TRPS1: variants seen among roughly 807,000 people sequenced by gnomAD.
The protein encoded by TRPS1 is transcriptional repressor GATA binding 1, also known as zinc finger transcription factor Trps1.
TRPS1 carries 6 observed loss-of-function variants against 101.2 expected under a neutral mutation model. The ratio of observed to expected loss-of-function variants is 0.06; its 90% CI spans 0.03 to 0.12. The LOEUF (loss-of-function observed/expected upper bound fraction) is 0.12, where lower values mean the gene tolerates loss of function less well. Ranked by LOEUF, TRPS1 falls within the 10% of genes least tolerant of loss-of-function variation. The pLI is 1.00. For missense variants in TRPS1, 1,363 were observed against 1,567.0 expected (o/e 0.87, Z 2.20); for synonymous variants, 578 against 589.8 (o/e 0.98, Z 0.29).
At chr8:115,417,975 T>C (rs375412549) in intron 6 of TRPS1, among the ~76,000 whole-genome samples, 25 of 152,342 alleles carry the variant, frequency 1.6e-4, no homozygotes, top group African/African-American at 5.5e-4. Flanking sequence ...TTTCATTTTT[T>C]AAAACGTTTT....
At chr8:115,534,075 G>A (rs949007038) in intron 5 of TRPS1, among the ~76,000 whole-genome samples, 1 of 148,172 alleles carries the variant, frequency 6.7e-6, no homozygotes, top group African/African-American at 2.5e-5. Flanking sequence ...ATCTAACCCC[G>A]ATACCATCAC....
intron 5 of TRPS1, among the ~76,000 whole-genome samples, chr8:115,427,089 A>G (rs1410439488): frequency 6.6e-6 from 1 of 151,968 alleles, no homozygotes; most frequent in Non-Finnish European, 1.5e-5. Context: ...CAAGGCAAAC[A>G]CAGCAAGAAC....
intron 5 of TRPS1, among the ~76,000 whole-genome samples, chr8:115,488,957 C>A (rs1376496363): frequency 1.3e-5 from 2 of 152,118 alleles, no homozygotes; most frequent in Non-Finnish European, 2.9e-5. Context: ...TAGCAGGCTG[C>A]AGTTACTTCT....
rs551892671 is a variant in TRPS1, at chr8:115,638,628, T to G, written c.-121-14870A>C. Among the ~76,000 whole-genome samples, 11 of 152,224 alleles carry G rather than the reference T, an allele frequency of 7.2e-5. No individual in the cohort carries two copies. The South Asian group carries it at 2.3e-3, about 32-fold the overall frequency. On this transcript the variant is annotated intron_variant, in intron 1 of 6. Coordinates refer to ENST00000395715, the MANE Select transcript of TRPS1 (RefSeq NM_014112.5). ...GTTGGACAGGATACAGACAGAAATA[T>G]ACACACTTACACACAGAGTTTTACA... is the stretch of plus-strand genomic sequence containing the variant.
intron 5 of TRPS1, among the ~76,000 whole-genome samples, chr8:115,447,424 A>G (rs1477239643): frequency 1.3e-5 from 2 of 152,212 alleles, no homozygotes; most frequent in Admixed American, 6.5e-5. Flanking sequence ...ACAAAAATAA[A>G]AATTATCTCC....
chr8:115,613,094 C>T lies in TRPS1; in HGVS notation c.966+6038G>A, dbSNP rs145386350. 4.2e-4 allele frequency among the ~76,000 whole-genome samples: 64 copies of T among 152,230 alleles called. No individual in the cohort carries two copies. The East Asian group carries it at 0.011, about 27-fold the overall frequency. ...AATAATAAATTCCTAAAACAAAGTC[C>T]TCTAAATGAGGGGAGTACAAAAAAA... On this transcript the variant is annotated intron_variant, in intron 3 of 6. Transcript: ENST00000395715.
chr8:115,451,948 C>T (rs753341169), intron 5 of TRPS1, among the ~76,000 whole-genome samples: 38 of 152,136 alleles, frequency 2.5e-4, no homozygotes, highest in Non-Finnish European at 5.4e-4. Context: ...TTCCCCACTC[C>T]GACTCCTACT....
At chr8:115,434,380 T>C (rs1813398478) in intron 5 of TRPS1, among the ~76,000 whole-genome samples, 1 of 152,200 alleles carries the variant, frequency 6.6e-6, no homozygotes. Flanking sequence ...TTTATTGTGC[T>C]ATGCAATATG....
chr8:115,431,504 A>C (rs1236899158), intron 5 of TRPS1, among the ~76,000 whole-genome samples: 1 of 151,948 alleles, frequency 6.6e-6, no homozygotes, highest in African/African-American at 2.4e-5. Context: ...TCTCCTTTTG[A>C]CTGCATTCTA....
intron 4 of TRPS1, among the ~76,000 whole-genome samples, chr8:115,592,838 G>C (rs1406575601): frequency 6.6e-6 from 1 of 152,030 alleles, no homozygotes; most frequent in African/African-American, 2.4e-5. Flanking sequence ...ATAATACTTT[G>C]TATTTCTTAC....
At chr8:115,557,731 C>T (rs1816856133) in intron 5 of TRPS1, among the ~76,000 whole-genome samples, 1 of 152,146 alleles carries the variant, frequency 6.6e-6, no homozygotes, top group African/African-American at 2.4e-5. Flanking sequence ...GATATTTCTT[C>T]ATTGCAAAGT....
Position 115,418,579 on chromosome 8 carries a change from T to G in TRPS1, c.2701-127A>C, listed in dbSNP as rs768239768. The G allele has an allele frequency of 8.8e-5, 113 of 1,282,196 alleles. No individual in the cohort carries two copies. Among genetic ancestry groups the G allele is most frequent in the Non-Finnish European group, 1.2e-4 (109 of 891,808 alleles). The allele number at this position is 1,282,196 out of a possible 1,614,324, so 79.4% of individuals were successfully genotyped here. On this transcript the variant is annotated intron_variant, in intron 5 of 6. Coordinates refer to ENST00000395715, the MANE Select transcript of TRPS1 (RefSeq NM_014112.5). The surrounding 1 kb of genome is among the most constrained non-coding windows in gnomAD (Gnocchi z 4.3). ...CAGTATAAAACCACACTGCCCATAA[T>G]GAGGTCAGGTTCAATTGTGTTTAAT... is the stretch of plus-strand genomic sequence containing the variant.
At chr8:115,515,047 ATATACTGTG>A in intron 5 of TRPS1, 1 of 563,020 alleles carries the variant, frequency 1.8e-6, no homozygotes, top group Non-Finnish European at 3.2e-6. Flanking sequence ...TTAAGATGGC[ATATACTGTG>A]TAAGAAAAAT....
At chr8:115,584,773 G>A (rs936390744) in intron 5 of TRPS1, among the ~76,000 whole-genome samples, 1 of 151,740 alleles carries the variant, frequency 6.6e-6, no homozygotes, top group East Asian at 1.9e-4. Context: ...ATTCTGTTAG[G>A]TGTCTTAAAA....
At chr8:115,481,862 G>C (rs1563762381) in intron 5 of TRPS1, among the ~76,000 whole-genome samples, 1 of 152,152 alleles carries the variant, frequency 6.6e-6, no homozygotes, top group Non-Finnish European at 1.5e-5. Flanking sequence ...TACCCTGTGA[G>C]ATAAGGTAAT....
intron 6 of TRPS1, among the ~76,000 whole-genome samples, chr8:115,416,682 G>A (rs1008690535): frequency 6.6e-6 from 1 of 151,598 alleles, no homozygotes; most frequent in Admixed American, 6.6e-5. Flanking sequence ...TCTTAAATAA[G>A]TACAACTATA....
chr8:115,470,288 C>T (rs994308647), intron 5 of TRPS1, among the ~76,000 whole-genome samples: 7 of 152,080 alleles, frequency 4.6e-5, no homozygotes, highest in Non-Finnish European at 8.8e-5. Context: ...ATGCAATGCA[C>T]AATCAAAATA....
chr8:115,520,886 T>C (rs565026516), intron 5 of TRPS1, among the ~76,000 whole-genome samples: 14 of 152,004 alleles, frequency 9.2e-5, no homozygotes, highest in African/African-American at 3.4e-4. Flanking sequence ...ATTTTCCTTA[T>C]TAATGAGTTA....
intron 5 of TRPS1, among the ~76,000 whole-genome samples, chr8:115,502,370 C>T (rs925548581): frequency 1.5e-4 from 23 of 152,130 alleles, no homozygotes; most frequent in African/African-American, 5.1e-4. Flanking sequence ...CACTAGAATA[C>T]TGAAAGGCTT....
Sources: gnomAD v4.1 joint callset for allele counts (sites outside exome capture counted in the v4.1 genomes callset) on GRCh38, gnomAD v4.1.1 for gene constraint, Gnocchi (gnomAD v3.1) non-coding constraint, MANE v1.5 for transcripts, NCBI Gene and HGNC (gene_info 2026-07-23, HGNC 2026-07-21) for gene names.